The following EPHA10 variants were observed in gnomAD, a reference collection of about 807,000 sequenced individuals.
EPHA10 encodes the protein ephrin type-A receptor 10.
EPHA10 carries 120 observed loss-of-function variants against 109.7 expected under a neutral mutation model. The observed-to-expected ratio is 1.09, with a 90% confidence interval of 0.94 to 1.27. The LOEUF (loss-of-function observed/expected upper bound fraction) is 1.27, where lower values mean the gene tolerates loss of function less well. EPHA10 is among the 50% of genes most tolerant of loss of function. The pLI is 0.00. For missense variants in EPHA10, 1,396 were observed against 1,411.1 expected, an observed-to-expected ratio of 0.99 and a Z score of 0.17; for synonymous variants, 640 against 618.9, an observed-to-expected ratio of 1.03 and a Z score of -0.51.
At chr1:37,734,163 A>G (rs1196970738) in intron 6 of EPHA10, among the ~76,000 whole-genome samples, 1 of 152,266 alleles carries the variant, frequency 6.6e-6, no homozygotes, top group African/African-American at 2.4e-5. Context: ...TAGAAGCTGA[A>G]AGAGGTTTCA....
chr1:37,723,000 G>C, intron 10 of EPHA10, 41 bp downstream of exon 10: 1 of 1,613,656 alleles, frequency 6.2e-7, no homozygotes, highest in Non-Finnish European at 8.5e-7. Flanking sequence ...AGTGGGTGAG[G>C]CTTCCAGATG....
At chr1:37,762,109 C>A (rs1646439013) in intron 2 of EPHA10, 26 bp from the exon 3 acceptor site, 2 of 1,533,676 alleles carry the variant, frequency 1.3e-6, no homozygotes, top group South Asian at 2.5e-5. Flanking sequence ...AAGGGGTGGG[C>A]AGCCCAGAGC....
chr1:37,718,237 C>T lies in EPHA10; in HGVS notation c.*135G>A, dbSNP rs1471425682. On this transcript the variant is annotated 3_prime_UTR_variant, in exon 17 of 17. Coordinates refer to ENST00000373048, the MANE Select transcript of EPHA10 (RefSeq NM_001099439.2). ...CAGTGAAAGCGGGGAAGCTGTGGCC[C>T]CACCAGATCTGGGCCCAAGCAGAGG... 6 of 755,782 alleles carry T rather than the reference C, an allele frequency of 7.9e-6. No homozygotes were observed. The highest frequency in any genetic ancestry group is 1.1e-5 in the Non-Finnish European group (5 of 453,788). The allele number at this position is 755,782 out of a possible 1,614,324, so 46.8% of individuals were successfully genotyped here.
chr1:37,724,742 G>T (rs1283770009), intron 8 of EPHA10, among the ~76,000 whole-genome samples: 1 of 152,186 alleles, frequency 6.6e-6, no homozygotes, highest in Non-Finnish European at 1.5e-5. Flanking sequence ...GTCACACAGG[G>T]GGAAGCGGCC....
At chr1:37,743,916 A>T (rs968235420) in intron 5 of EPHA10, among the ~76,000 whole-genome samples, 6 of 152,208 alleles carry the variant, frequency 3.9e-5, no homozygotes, top group African/African-American at 9.7e-5. Flanking sequence ...ATATAAAGAC[A>T]GAGAGAGAAA....
intron 3 of EPHA10, among the ~76,000 whole-genome samples, chr1:37,755,797 T>A (rs1646388496): frequency 6.6e-6 from 1 of 152,142 alleles, no homozygotes; most frequent in South Asian, 2.1e-4. Context: ...TTTAAAAAAA[T>A]TTCTCACCAG....
Position 37,741,484 on chromosome 1 carries a change from C to A in EPHA10, c.1358-6094G>T, listed in dbSNP as rs1440691073. Among the ~76,000 whole-genome samples the A allele has an allele frequency of 2.6e-5, 4 of 152,116 alleles. No homozygotes were observed. The East Asian group carries it at 7.7e-4, about 29-fold the overall frequency. ...GTATATATATCTAGCAGCCTCCACT[C>A]CATGTCTTTCCCAAATTCCAATTAA... On this transcript the variant is annotated intron_variant, in intron 5 of 16. Transcript: ENST00000373048.
At chr1:37,734,542 A>G (rs1430165390) in intron 6 of EPHA10, 1 of 414,450 alleles carries the variant, frequency 2.4e-6, no homozygotes, top group Non-Finnish European at 4.7e-6. Context: ...CTCAAAATAA[A>G]TAAATAAATA....
At chr1:37,719,753 G>A (rs1645757344) in intron 14 of EPHA10, 146 bp from the exon 15 acceptor site, 4 of 1,420,230 alleles carry the variant, frequency 2.8e-6, no homozygotes, top group Admixed American at 1.9e-5. Flanking sequence ...CACACCCAAG[G>A]AAGCCTGGGG....
chr1:37,725,388 C>T (rs190115362), intron 8 of EPHA10, among the ~76,000 whole-genome samples: 1 of 151,710 alleles, frequency 6.6e-6, no homozygotes, highest in Admixed American at 6.6e-5. Context: ...GGCCTGTAGT[C>T]CCAGTTACTC....
chr1:37,719,535 T>C lies in EPHA10; in HGVS notation c.2635A>G (p.Met879Val). 2 of 1,613,956 alleles carry C rather than the reference T, an allele frequency of 1.2e-6. No individual in the cohort carries two copies. The highest frequency in any genetic ancestry group is 2.2e-5 in the East Asian group (1 of 44,874). The change falls in exon 15 of 17, where the codon ATG becomes GTG. Residue 879 changes from methionine (M) to valine (V), a missense_variant. Physicochemically the swap from Met to Val is conservative, Grantham distance 21 (BLOSUM62 1). Transcript: ENST00000373048. ...RNCPNLLHRLMLDCWQKDPGE... is the reference protein window; with the variant it reads ...RNCPNLLHRLVLDCWQKDPGE... ...GGGTCCTTCTGCCAGCAGTCGAGCA[T>C]TAGTCGGTGCAGAAGGTTAGGACAG...
At position 37,761,770 on chromosome 1, in the gene EPHA10, G is replaced by A. The variant is rs1257810563; in HGVS notation, c.485C>T (p.Thr162Met). ...IDTIAADESF[T>M]QGDLGERKMK... Reference sequence around the variant, plus strand: ...CTTGCGCTCACCCAGGTCGCCCTGCGTGAAGCTCTCGTCCGCCGCGATCGT... The same window carrying A: ...CTTGCGCTCACCCAGGTCGCCCTGCATGAAGCTCTCGTCCGCCGCGATCGT... The change falls in exon 3 of 17, where the codon ACG becomes ATG. Residue 162 changes from threonine to methionine, a missense_variant. By Grantham distance (81) the Thr-to-Met change is moderately conservative. Coordinates refer to ENST00000373048, the MANE Select transcript of EPHA10 (RefSeq NM_001099439.2). The A allele has an allele frequency of 1.2e-6, 2 of 1,613,774 alleles. No individual in the cohort carries two copies. The highest frequency in any genetic ancestry group is 8.5e-7 in the Non-Finnish European group (1 of 1,179,824).
intron 10 of EPHA10, chr1:37,722,734 C>T (rs1645819436): frequency 2.1e-6 from 1 of 480,118 alleles, no homozygotes; most frequent in Non-Finnish European, 4.0e-6. Flanking sequence ...CCTAAGCTTG[C>T]AAAGGCCCCT....
intron 5 of EPHA10, among the ~76,000 whole-genome samples, chr1:37,745,447 T>C (rs1646225602): frequency 6.6e-6 from 1 of 152,178 alleles, no homozygotes. Flanking sequence ...TGCAAAATGG[T>C]AGAGCTGCTT....
intron 5 of EPHA10, among the ~76,000 whole-genome samples, chr1:37,742,765 T>A (rs1646173825): frequency 6.6e-6 from 1 of 152,148 alleles, no homozygotes; most frequent in African/African-American, 2.4e-5. Flanking sequence ...ATGGGGGTCT[T>A]GCTTGAGGCC....
chr1:37,763,292 C>G lies in EPHA10; in HGVS notation c.107-443G>C, dbSNP rs1356318123. On this transcript the variant is annotated intron_variant, in intron 1 of 16. Transcript: ENST00000373048. ...GCCTGTAGTCCCTAGCTTGTGGTCC[C>G]CTCCTCCATCTTCAAATCACATCAC... Among the ~76,000 whole-genome samples, 10 of 152,050 alleles carry G rather than the reference C, an allele frequency of 6.6e-5. No homozygotes were observed. In the South Asian group the frequency reaches 1.2e-3, roughly 19 times the overall value.
At position 37,719,435 on chromosome 1, in the gene EPHA10, C is replaced by A; in HGVS notation, c.2735G>T (p.Cys912Phe). 4 of 1,613,402 alleles carry A rather than the reference C, an allele frequency of 2.5e-6. No individual in the cohort carries two copies. Among genetic ancestry groups the A allele is most frequent in the Non-Finnish European group, 2.5e-6 (3 of 1,179,988 alleles). ...KMVQDPEPPKCALTTCPRPPT... is the reference protein window; with the variant it reads ...KMVQDPEPPKFALTTCPRPPT... ...GTACCTGGGACAGGTAGTCAGGGCA[C>A]ACTTGGGGGGCTCTGGGTCCTGCAC... The change falls in exon 15 of 17, where the codon TGT becomes TTT. Residue 912 changes from cysteine to phenylalanine, a missense_variant. Coordinates refer to ENST00000373048, the MANE Select transcript of EPHA10 (RefSeq NM_001099439.2).
intron 5 of EPHA10, among the ~76,000 whole-genome samples, chr1:37,745,720 C>T (rs490210): frequency 0.34 from 51,702 of 151,904 alleles, 8,866 homozygotes; most frequent in East Asian, 0.47. Flanking sequence ...CGTGGTGGCA[C>T]GCACCTATAA....
At chr1:37,722,927 G>C (rs778780593) in intron 10 of EPHA10, 114 bp downstream of exon 10, 1 of 1,522,410 alleles carries the variant, frequency 6.6e-7, no homozygotes, top group East Asian at 2.3e-5. Flanking sequence ...GACACGAGCA[G>C]AGACCTGGGT....
Sources: gnomAD v4.1 joint callset for allele counts (sites outside exome capture counted in the v4.1 genomes callset) on GRCh38, gnomAD v4.1.1 for gene constraint, MANE v1.5 for transcripts, NCBI Gene and HGNC (gene_info 2026-07-23, HGNC 2026-07-21) for gene names.